Variants in TMTC2 observed in about 807,000 individuals in gnomAD.
The protein encoded by TMTC2 is transmembrane O-mannosyltransferase targeting cadherins 2.
In TMTC2, 43 loss-of-function variants were observed where a neutral mutation model predicts 82.4. The observed-to-expected ratio is 0.52, with a 90% CI of 0.41 to 0.67. The LOEUF is 0.67. Among genes scored for constraint, TMTC2 ranks in the 30% least tolerant of loss-of-function variants. The pLI, the probability that TMTC2 is intolerant of heterozygous loss-of-function variation, is 0.00. For synonymous variants in TMTC2, 408 were observed against 381.9 expected (o/e 1.07, Z -0.80); for missense variants, 919 against 1,012.4 (o/e 0.91, Z 1.25).
At chr12:82,849,198 A>G (rs1390138302) in intron 1 of TMTC2, among the ~76,000 whole-genome samples, 1 of 152,176 alleles carries the variant, frequency 6.6e-6, no homozygotes, top group Non-Finnish European at 1.5e-5. Context: ...CAAAGTGGGA[A>G]TGAAGGCAGG....
intron 1 of TMTC2, among the ~76,000 whole-genome samples, chr12:82,854,673 G>A (rs1871161123): frequency 6.6e-6 from 1 of 152,142 alleles, no homozygotes; most frequent in African/African-American, 2.4e-5. Flanking sequence ...GATATTGGGT[G>A]ATATCCCTGA....
intron 2 of TMTC2, among the ~76,000 whole-genome samples, chr12:82,862,158 A>G (rs972840458): frequency 3.3e-5 from 5 of 152,130 alleles, no homozygotes; most frequent in African/African-American, 4.8e-5. Context: ...ATAAGGGGGG[A>G]AAAGCCCTTG....
intron 1 of TMTC2, among the ~76,000 whole-genome samples, chr12:82,808,561 A>G (rs1015859818): frequency 1.7e-4 from 26 of 151,958 alleles, no homozygotes; most frequent in African/African-American, 5.8e-4. Context: ...ATAAACCCTT[A>G]CTCCTTTCAT....
At chr12:82,894,965 AT>A (rs538079811) in intron 2 of TMTC2, among the ~76,000 whole-genome samples, 10,162 of 122,400 alleles carry the variant, frequency 0.083, 1,006 homozygotes, top group African/African-American at 0.24. Context: ...ATGCCTGGCA[AT>A]TTTTTTTTTT....
intron 10 of TMTC2, among the ~76,000 whole-genome samples, chr12:83,059,080 G>A (rs1447162129): frequency 6.6e-6 from 1 of 151,796 alleles, no homozygotes; most frequent in South Asian, 2.1e-4. Flanking sequence ...CGAGTATGCA[G>A]GAAGTGTTAT....
chr12:82,723,710 T>A (rs979106170), intron 1 of TMTC2, among the ~76,000 whole-genome samples: 5 of 152,170 alleles, frequency 3.3e-5, no homozygotes, highest in African/African-American at 1.2e-4. Context: ...TTGGAGCATA[T>A]TGGATTTTAG....
At chr12:82,733,276 C>T (rs1422683874) in intron 1 of TMTC2, among the ~76,000 whole-genome samples, 1 of 152,182 alleles carries the variant, frequency 6.6e-6, no homozygotes, top group Non-Finnish European at 1.5e-5. Context: ...CACCAAAAAT[C>T]ATTACAGATT....
intron 8 of TMTC2, among the ~76,000 whole-genome samples, chr12:83,009,117 T>A (rs1020366214): frequency 2.0e-5 from 3 of 152,168 alleles, no homozygotes; most frequent in Non-Finnish European, 2.9e-5. Flanking sequence ...AATAGATTAA[T>A]TGAGAGGAGT....
At chr12:82,790,812 G>T (rs867578438) in intron 1 of TMTC2, among the ~76,000 whole-genome samples, 4 of 150,200 alleles carry the variant, frequency 2.7e-5, no homozygotes, top group Non-Finnish European at 5.9e-5. Flanking sequence ...GGGCAATAAG[G>T]GTGAAACTCT....
chr12:82,843,507 A>G (rs377212624), intron 1 of TMTC2, among the ~76,000 whole-genome samples: 2 of 152,212 alleles, frequency 1.3e-5, no homozygotes, highest in East Asian at 3.8e-4. Flanking sequence ...TACAAATACA[A>G]GGTAGTATTA....
At chr12:82,887,453 CAG>C (rs1024885695) in intron 2 of TMTC2, among the ~76,000 whole-genome samples, 1 of 152,160 alleles carries the variant, frequency 6.6e-6, no homozygotes, top group Admixed American at 6.5e-5. Flanking sequence ...ACTAATATGG[CAG>C]AGTCTTCTCA....
chr12:82,888,158 A>G (rs994441874), intron 2 of TMTC2, among the ~76,000 whole-genome samples: 4 of 152,232 alleles, frequency 2.6e-5, no homozygotes, highest in African/African-American at 9.6e-5. Context: ...TTTGTGAACA[A>G]TTAGGTGAAT....
At chr12:83,115,497 G>C (rs1884723486) in intron 11 of TMTC2, among the ~76,000 whole-genome samples, 1 of 152,098 alleles carries the variant, frequency 6.6e-6, no homozygotes, top group Non-Finnish European at 1.5e-5. Context: ...TGAGACATCA[G>C]ATATCTTCTT....
In TMTC2 at chr12:82,966,929, G is replaced by A. The variant is rs761585871; in HGVS notation, c.1880G>A (p.Ser627Asn). 3 of 1,611,608 alleles carry A rather than the reference G, an allele frequency of 1.9e-6. No individual in the cohort carries two copies. Among genetic ancestry groups the A allele is most frequent in the Middle Eastern group, 1.7e-4 (1 of 6,054 alleles). Residue 627 changes from serine (S) to asparagine (N), a missense_variant, in exon 7 of 12, where the codon AGT (serine) becomes AAT (asparagine). Coordinates refer to ENST00000321196, the MANE Select transcript of TMTC2 (RefSeq NM_152588.3). ...HEQGHYEEAL[S>N]VYKEAIQKMP... ...TGTTTTATAAATTAGGAAGCCCTTA[G>A]TGTATACAAGGAAGCAATTCAGAAA...
At chr12:82,926,169 T>TG in intron 3 of TMTC2, among the ~76,000 whole-genome samples, 1 of 152,160 alleles carries the variant, frequency 6.6e-6, no homozygotes, top group African/African-American at 2.4e-5. Flanking sequence ...TTAGTAGAGA[T>TG]GGGGTTTCAC....
chr12:83,062,746 C>T (rs1882789044), intron 11 of TMTC2, among the ~76,000 whole-genome samples: 1 of 151,724 alleles, frequency 6.6e-6, no homozygotes, highest in South Asian at 2.1e-4. Context: ...ACACAATCAA[C>T]TAATTGAAAT....
intron 8 of TMTC2, among the ~76,000 whole-genome samples, chr12:83,011,432 T>G (rs1880453923): frequency 6.6e-6 from 1 of 152,236 alleles, no homozygotes; most frequent in African/African-American, 2.4e-5. Context: ...GAACAATGTC[T>G]GGTCAACATA....
intron 3 of TMTC2, among the ~76,000 whole-genome samples, chr12:82,899,912 A>T (rs1447632310): frequency 7.1e-6 from 1 of 140,674 alleles, no homozygotes; most frequent in East Asian, 2.1e-4. Flanking sequence ...GTATATACAT[A>T]TCCGGAATAT....
intron 2 of TMTC2, among the ~76,000 whole-genome samples, chr12:82,872,273 A>G (rs1872239491): frequency 1.3e-5 from 2 of 152,114 alleles, no homozygotes; most frequent in African/African-American, 2.4e-5. Context: ...GGGGCATATC[A>G]TTTCAACTGT....
Sources: gnomAD v4.1 joint callset for allele counts (sites outside exome capture counted in the v4.1 genomes callset) on GRCh38, gnomAD v4.1.1 for gene constraint, MANE v1.5 for transcripts, NCBI Gene and HGNC (gene_info 2026-07-23, HGNC 2026-07-21) for gene names.